The following ABHD8 variants were observed in gnomAD, a reference collection of about 807,000 sequenced individuals.
ABHD8 encodes protein ABHD8.
A neutral mutation model predicts 29.3 loss-of-function variants in ABHD8; 10 were observed. The observed-to-expected ratio is 0.34, with a 90% confidence interval of 0.21 to 0.58. The LOEUF (loss-of-function observed/expected upper bound fraction) is 0.58, where lower values mean the gene tolerates loss of function less well. ABHD8 is among the 20% of genes least tolerant of loss of function. The pLI, the probability that ABHD8 is intolerant of heterozygous loss-of-function variation, is 0.85. For missense variants in ABHD8, 556 were observed against 615.3 expected (o/e 0.90, Z 1.02); for synonymous variants, 282 against 274.6 (o/e 1.03, Z -0.27).
Position 17,301,422 on chromosome 19 carries a change from C to G in ABHD8, c.195G>C (p.Ser65=), listed in dbSNP as rs755289782. Residue 65 remains serine, a synonymous_variant, in exon 2 of 5, where the codon TCG becomes TCC. Transcript: ENST00000247706. ...CGGAGAGGTCCCCCTGGGCTGCATC[C>G]GAGGATGCGGATGATGGTGGAGGTG... The part of the protein sequence containing the change: ...AAPPPPSSAS[S]DAAQGDLSGL... The G allele has an allele frequency of 1.2e-6, 2 of 1,612,122 alleles. No individual in the cohort carries two copies. Among genetic ancestry groups the G allele is most frequent in the Non-Finnish European group, 1.7e-6 (2 of 1,179,880 alleles).
rs377027197 is a variant in ABHD8 at position 17,294,282 on chromosome 19, C to G, written c.1149+6G>C. ...TAGCTGTGGCGCCCCAGGTGCCCGC[C>G]TCTACCTCGGCCATGCGCTGGTCTT... On this transcript the variant is annotated splice_donor_region_variant and intron_variant, in intron 4 of 4. Coordinates refer to ENST00000247706, the MANE Select transcript of ABHD8 (RefSeq NM_024527.5). 8.3e-5 allele frequency: 133 copies of G among 1,598,722 alleles called. 1 individual carries two copies. Among genetic ancestry groups the G allele is most frequent in the Admixed American group, 3.3e-4 (20 of 59,930 alleles).
chr19:17,301,825 G>C (rs534228266), intron 1 of ABHD8, among the ~76,000 whole-genome samples: 1 of 148,230 alleles, frequency 6.7e-6, no homozygotes, highest in South Asian at 2.1e-4. Context: ...AGACAGTCTC[G>C]CTTTGTCATC....
intron 2 of ABHD8, chr19:17,298,545 T>G (rs957749565): frequency 6.6e-6 from 1 of 152,068 alleles, no homozygotes; most frequent in East Asian, 1.9e-4. Flanking sequence ...GGTTCTCAGC[T>G]GGGGGTAATT....
At chr19:17,303,194 A>C (rs985450668) in intron 1 of ABHD8, 48 bp downstream of exon 1, 4 of 152,332 alleles carry the variant, frequency 2.6e-5, no homozygotes, top group Middle Eastern at 3.4e-3. Context: ...TCCGAAGTGG[A>C]GGCCCCGGGG....
chr19:17,294,201 G>A (rs6512183), intron 4 of ABHD8, 87 bp downstream of exon 4: 149,710 of 1,462,666 alleles, frequency 0.1, 8,770 homozygotes, highest in African/African-American at 0.24. Context: ...CCCACCAAGC[G>A]CTACCACGCC....
chr19:17,296,855 C>T (rs545157995), intron 2 of ABHD8, among the ~76,000 whole-genome samples: 15 of 152,044 alleles, frequency 9.9e-5, no homozygotes, highest in East Asian at 1.9e-4. Context: ...CCATTATGCC[C>T]GGCTAATTTT....
chr19:17,297,620 T>A (rs2074098654), intron 2 of ABHD8: 1 of 152,116 alleles, frequency 6.6e-6, no homozygotes, highest in Admixed American at 6.6e-5. Flanking sequence ...ATTAGAGGAA[T>A]CATTTCTCAT....
chr19:17,300,235 T>C (rs1351150698), intron 2 of ABHD8, among the ~76,000 whole-genome samples: 1 of 151,894 alleles, frequency 6.6e-6, no homozygotes, highest in Non-Finnish European at 1.5e-5. Context: ...CGACAGGTTC[T>C]TGCCATGCTG....
intron 2 of ABHD8, among the ~76,000 whole-genome samples, chr19:17,295,879 T>A (rs908633278): frequency 2.6e-5 from 4 of 152,138 alleles, no homozygotes; most frequent in Admixed American, 2.6e-4. Flanking sequence ...AGCTAATTTT[T>A]AAAAATTTTT....
At position 17,292,786 on chromosome 19, in the gene ABHD8, T is replaced by G; in HGVS notation, c.1195A>C (p.Met399Leu). The change falls in exon 5 of 5, where the codon ATG becomes CTG. Residue 399 changes from methionine (M) to leucine (L), a missense_variant. Physicochemically the swap from Met to Leu is conservative, Grantham distance 15. This residue lies in a region of ABHD8 where 270 missense variants were observed against 353.9 expected (regional missense o/e 0.76). Transcript: ENST00000247706. ...FLKLIDEGSH[M>L]VMLECPETVN... ...GTCTCAGGGCATTCCAGCATCACCA[T>G]GTGGCTGCCCTCGTCGATGAGCTTC... is the stretch of plus-strand genomic sequence containing the variant. 1.2e-6 allele frequency: 2 copies of G among 1,613,288 alleles called. No individual in the cohort carries two copies. The highest frequency in any genetic ancestry group is 1.7e-6 in the Non-Finnish European group (2 of 1,179,698).
In ABHD8 at chr19:17,301,428, T is replaced by G; in HGVS notation, c.189A>C (p.Ala63=). Residue 63 remains alanine (A), a synonymous_variant, in exon 2 of 5, where the codon GCA becomes GCC. Coordinates refer to ENST00000247706, the MANE Select transcript of ABHD8 (RefSeq NM_024527.5). ...GGTCCCCCTGGGCTGCATCCGAGGA[T>G]GCGGATGATGGTGGAGGTGGGGCAG... ...PAAAPPPPSS[A]SSDAAQGDLS... The G allele has an allele frequency of 6.2e-7, 1 of 1,612,110 alleles. No homozygotes were observed. The highest frequency in any genetic ancestry group is 8.5e-7 in the Non-Finnish European group (1 of 1,179,846).
chr19:17,294,468 C>T lies in ABHD8; in HGVS notation c.969G>A (p.Gln323=). 6.2e-7 allele frequency: 1 copy of T among 1,614,176 alleles called. No homozygotes were observed. Among genetic ancestry groups the T allele is most frequent in the African/African-American group, 1.3e-5 (1 of 75,072 alleles). Residue 323 remains glutamine, a synonymous_variant, in exon 4 of 5, where the codon CAG becomes CAA. Transcript: ENST00000247706. Reference sequence around the variant, plus strand: ...TGAAAGCGTTGCCCTCCTTTAACAGCTGCTTCTCCTTGGCTCCTTGGCGGG... The same window carrying T: ...TGAAAGCGTTGCCCTCCTTTAACAGTTGCTTCTCCTTGGCTCCTTGGCGGG... ...GFARQGAKEK[Q]LLKEGNAFNV... is the part of the protein sequence containing the mutation.
chr19:17,294,568 G>T, intron 3 of ABHD8, 64 bp from the exon 4 acceptor site: 1 of 1,609,600 alleles, frequency 6.2e-7, no homozygotes, highest in Non-Finnish European at 8.5e-7. Flanking sequence ...GGGTGCCCCC[G>T]ATGCCAGCCC....
Position 17,294,381 on chromosome 19 carries a change from C to T in ABHD8, c.1056G>A (p.Glu352=), listed in dbSNP as rs368480144. 4 of 1,613,852 alleles carry T rather than the reference C, an allele frequency of 2.5e-6. No individual in the cohort carries two copies. The highest frequency in any genetic ancestry group is 3.3e-5 in the Admixed American group (2 of 60,004). The change falls in exon 4 of 5, where the codon GAG becomes GAA. Residue 352 remains glutamate (E), a synonymous_variant. Transcript: ENST00000247706. ...MSGQYWPEGD[E]VYHAELTVPV... ...GCACGGTGAGCTCGGCGTGGTAGAC[C>T]TCGTCGCCCTCGGGCCAGTACTGGC...
At position 17,301,435 on chromosome 19, in the gene ABHD8, G is replaced by A; in HGVS notation, c.182C>T (p.Ser61Leu). ...PAPAAAPPPP[S>L]SASSDAAQGD... ...CTGGGCTGCATCCGAGGATGCGGAT[G>A]ATGGTGGAGGTGGGGCAGCGGCTGG... Residue 61 changes from serine (S) to leucine (L), a missense_variant, in exon 2 of 5, where the codon TCA (serine) becomes TTA (leucine). This residue lies in a region of ABHD8 where 286 missense variants were observed against 261.4 expected (regional missense o/e 1.09). Transcript: ENST00000247706. The A allele has an allele frequency of 6.2e-7, 1 of 1,612,134 alleles. No individual in the cohort carries two copies. Among genetic ancestry groups the A allele is most frequent in the South Asian group, 1.1e-5 (1 of 91,046 alleles).
In ABHD8 at chr19:17,292,688, C is replaced by T. The variant is rs868436323; in HGVS notation, c.1293G>A (p.Leu431=). ...EPSPKALPEP[L]PAPPEDKK is the part of the protein sequence containing the mutation. Reference sequence around the variant, plus strand: ...ACTTCTTGTCTTCTGGAGGCGCCGGCAGTGGCTCCGGTAGAGCCTTGGGCG... The same window carrying T: ...ACTTCTTGTCTTCTGGAGGCGCCGGTAGTGGCTCCGGTAGAGCCTTGGGCG... Residue 431 remains leucine (L), a synonymous_variant, in exon 5 of 5, where the codon CTG becomes CTA. Coordinates refer to ENST00000247706, the MANE Select transcript of ABHD8 (RefSeq NM_024527.5). 4.3e-6 allele frequency: 7 copies of T among 1,611,878 alleles called. No individual in the cohort carries two copies. In the African/African-American group the frequency reaches 8.0e-5, roughly 18 times the overall value.
At chr19:17,293,149 G>T (rs1374913417) in intron 4 of ABHD8, among the ~76,000 whole-genome samples, 1 of 146,982 alleles carries the variant, frequency 6.8e-6, no homozygotes, top group Non-Finnish European at 1.5e-5. Flanking sequence ...AGGCTGGAGT[G>T]CAGTGGCGTA....
chr19:17,301,701 C>G, intron 1 of ABHD8, 77 bp from the exon 2 acceptor site: 6 of 1,424,080 alleles, frequency 4.2e-6, no homozygotes, highest in Non-Finnish European at 4.6e-6. Flanking sequence ...ACTCCCTGAG[C>G]CTTGGGAGAA....
chr19:17,295,883 A>C (rs1423287102), intron 2 of ABHD8, among the ~76,000 whole-genome samples: 1 of 151,150 alleles, frequency 6.6e-6, no homozygotes, highest in African/African-American at 2.4e-5. Flanking sequence ...AATTTTTAAA[A>C]ATTTTTTTAT....
Sources: gnomAD v4.1 joint callset for allele counts (sites outside exome capture counted in the v4.1 genomes callset) on GRCh38, gnomAD v4.1.1 for gene constraint, gnomAD v4.1.1 regional missense constraint, MANE v1.5 for transcripts, NCBI Gene and HGNC (gene_info 2026-07-23, HGNC 2026-07-21) for gene names.